LILRA2: variants seen among roughly 807,000 people sequenced by gnomAD.
The protein encoded by LILRA2 is leukocyte immunoglobulin-like receptor subfamily A member 2.
A neutral mutation model predicts 47.9 loss-of-function variants in LILRA2; 45 were observed. The observed-to-expected ratio is 0.94, with a 90% CI of 0.74 to 1.20. The LOEUF is 1.20. LILRA2 is among the 50% of genes most tolerant of loss of function. The pLI, the probability that LILRA2 is intolerant of heterozygous loss-of-function variation, is 0.00. For missense variants in LILRA2, 651 were observed against 598.2 expected (o/e 1.09, Z -0.92); for synonymous variants, 279 against 249.2 (o/e 1.12, Z -1.13).
In LILRA2 at chr19:54,575,852, C is replaced by T. The variant is rs769487000; in HGVS notation, c.998C>T (p.Thr333Ile). The T allele has an allele frequency of 1.2e-6, 2 of 1,612,316 alleles. No individual in the cohort carries two copies. The highest frequency in any genetic ancestry group is 2.2e-5 in the South Asian group (2 of 90,752). Reference protein sequence around the residue: ...RPSLSVQPVPTVAPGKNVTLL... With the variant: ...RPSLSVQPVPIVAPGKNVTLL... ...TCTCTCTCGGTGCAGCCGGTCCCCA[C>T]AGTAGCCCCAGGAAAGAACGTGACC... Residue 333 changes from threonine (T) to isoleucine (I), a missense_variant, in exon 6 of 8, where the codon ACA becomes ATA. Physicochemically the swap from Thr to Ile is moderately conservative, Grantham distance 89 (BLOSUM62 -1). Coordinates refer to ENST00000391738, the MANE Select transcript of LILRA2 (RefSeq NM_001130917.3).
At chr19:54,583,943 A>G (rs2062719896) in intron 6 of LILRA2, among the ~76,000 whole-genome samples, 1 of 152,152 alleles carries the variant, frequency 6.6e-6, no homozygotes, top group Non-Finnish European at 1.5e-5. Flanking sequence ...TGCTTCCTTC[A>G]GGAGCTCTTT....
chr19:54,578,883 G>A (rs2062557650), intron 6 of LILRA2, among the ~76,000 whole-genome samples: 1 of 152,016 alleles, frequency 6.6e-6, no homozygotes, highest in Non-Finnish European at 1.5e-5. Context: ...GTGATGATAA[G>A]CATTTTTGCA....
Position 54,587,464 on chromosome 19 carries a change from AT to A in LILRA2, c.*121del, listed in dbSNP as rs1258435681. Reference sequence around the variant, plus strand: ...ACATTATCTGGACTGTATGCTGGTCATTTCTAGAGACAGCAATCAATATTTG... The same window carrying A: ...ACATTATCTGGACTGTATGCTGGTCATTCTAGAGACAGCAATCAATATTTG... On this transcript the variant is annotated 3_prime_UTR_variant, in exon 8 of 8. Transcript: ENST00000391738. 1 of 1,433,502 alleles carries A rather than the reference AT, an allele frequency of 7.0e-7. No homozygotes were observed. The allele number at this position is 1,433,502 out of a possible 1,614,324, so 88.8% of individuals were successfully genotyped here.
intron 6 of LILRA2, among the ~76,000 whole-genome samples, chr19:54,584,381 C>A (rs1291818143): frequency 6.6e-6 from 1 of 152,170 alleles, no homozygotes; most frequent in African/African-American, 2.4e-5. Context: ...TAACTTGGTT[C>A]CATTCTCCTC....
intron 4 of LILRA2, 89 bp from the exon 5 acceptor site, chr19:54,575,167 G>C: frequency 1.7e-6 from 2 of 1,180,318 alleles, no homozygotes; most frequent in Admixed American, 4.9e-5. Flanking sequence ...TCCTGGGGCC[G>C]GAGACACAGG....
Position 54,575,983 on chromosome 19 carries a change from C to A in LILRA2, c.1129C>A (p.Gln377Lys), listed in dbSNP as rs778497355. 6.2e-6 allele frequency: 10 copies of A among 1,613,928 alleles called. No individual in the cohort carries two copies. In the African/African-American group the frequency reaches 1.1e-4, roughly 17 times the overall value. ...ATCAGAGCACCAAGCTCAGCAGAAC[C>A]AGGCTGAATTCCGCATGGGTCCTGT... ...LRSEHQAQQN[Q>K]AEFRMGPVTS... is the part of the protein sequence containing the mutation. Residue 377 changes from glutamine to lysine, a missense_variant, in exon 6 of 8, where the codon CAG becomes AAG. Physicochemically the swap from Gln to Lys is moderately conservative, Grantham distance 53. Coordinates refer to ENST00000391738, the MANE Select transcript of LILRA2 (RefSeq NM_001130917.3).
chr19:54,577,559 C>T, intron 6 of LILRA2: 2 of 1,289,720 alleles, frequency 1.6e-6, no homozygotes, highest in South Asian at 1.2e-5. Context: ...TGGGATCTGA[C>T]TGTGATGAGG....
At chr19:54,586,701 C>T (rs2062820180) in intron 6 of LILRA2, among the ~76,000 whole-genome samples, 1 of 152,116 alleles carries the variant, frequency 6.6e-6, no homozygotes, top group African/African-American at 2.4e-5. Flanking sequence ...ACACAAGGTC[C>T]CAGGCTGCAC....
Position 54,589,909 on chromosome 19 carries a change from T to A in LILRA2, c.*2563T>A, listed in dbSNP as rs2062898159. On this transcript the variant is annotated 3_prime_UTR_variant, in exon 8 of 8. Coordinates refer to ENST00000391738, the MANE Select transcript of LILRA2 (RefSeq NM_001130917.3). ...GATCATTTTTTCTACCACTTTTCAG[T>A]CCTGGGAAACTCAGTCCCAATGTGC... 1 of 152,126 alleles carries A rather than the reference T, an allele frequency of 6.6e-6. No individual in the cohort carries two copies. The highest frequency in any genetic ancestry group is 2.1e-4 in the South Asian group (1 of 4,740). The allele number at this position is 152,126 out of a possible 1,614,324, so 9.4% of individuals were successfully genotyped here.
At chr19:54,579,313 A>G (rs1229973104) in intron 6 of LILRA2, among the ~76,000 whole-genome samples, 2 of 152,208 alleles carry the variant, frequency 1.3e-5, no homozygotes, top group Non-Finnish European at 2.9e-5. Flanking sequence ...ATCCAGTTTC[A>G]GCTTTCTACA....
intron 6 of LILRA2, among the ~76,000 whole-genome samples, chr19:54,576,485 C>A (rs2062445587): frequency 6.6e-6 from 1 of 152,330 alleles, no homozygotes; most frequent in Non-Finnish European, 1.5e-5. Flanking sequence ...AAACCAGCCA[C>A]TCCCAGCTCA....
rs755984857 is a variant in LILRA2, at chr19:54,574,834, C to T, written c.456C>T (p.Phe152=). The change falls in exon 4 of 8, where the codon TTC becomes TTT. Residue 152 remains phenylalanine, a synonymous_variant. Transcript: ENST00000391738. ...TCTCACAGGTGGCATTTGACGGCTT[C>T]ATTCTGTGTAAGGAAGGAGAAGATG... The part of the protein sequence containing the change: ...QCVSQVAFDG[F]ILCKEGEDEH... The T allele has an allele frequency of 7.4e-6, 12 of 1,614,068 alleles. No homozygotes were observed. Among genetic ancestry groups the T allele is most frequent in the Non-Finnish European group, 1.0e-5 (12 of 1,180,042 alleles).
At chr19:54,576,873 C>T (rs112964899) in intron 6 of LILRA2, among the ~76,000 whole-genome samples, 2 of 152,312 alleles carry the variant, frequency 1.3e-5, no homozygotes, top group East Asian at 1.9e-4. Context: ...TCTGAAAGAG[C>T]CCATTCCCCT....
Position 54,586,815 on chromosome 19 carries a change from T to C in LILRA2, c.1256-195T>C, listed in dbSNP as rs192278294. 4.6e-3 allele frequency among the ~76,000 whole-genome samples: 704 copies of C among 152,226 alleles called. 1 individual carries two copies. In the South Asian group the frequency reaches 0.1, roughly 22 times the overall value. On this transcript the variant is annotated intron_variant, in intron 6 of 7. Transcript: ENST00000391738. Reference sequence around the variant, plus strand: ...AAACTCTCCCAAATGACTCAGGAGCTGAGTTTGGATTTGTAGAACACAGGA... The same window carrying C: ...AAACTCTCCCAAATGACTCAGGAGCCGAGTTTGGATTTGTAGAACACAGGA...
rs1389585060 is a variant in LILRA2 at position 54,588,020 on chromosome 19, T to A, written c.*674T>A. On this transcript the variant is annotated 3_prime_UTR_variant, in exon 8 of 8. Transcript: ENST00000391738. ...GTGGTATCTACCAATTTCTGTGACA[T>A]AAATATTTTTCTCATGGCCCAAATC... 1 of 152,454 alleles carries A rather than the reference T, an allele frequency of 6.6e-6. No homozygotes were observed. The highest frequency in any genetic ancestry group is 6.5e-5 in the Admixed American group (1 of 15,310). 9.4% of individuals were successfully genotyped at this position (152,454 alleles called of 1,614,324 possible).
intron 6 of LILRA2, 81 bp downstream of exon 6, chr19:54,576,190 G>C (rs555303345): frequency 6.3e-7 from 1 of 1,593,012 alleles, no homozygotes; most frequent in East Asian, 2.2e-5. Flanking sequence ...GGACAATAAT[G>C]AATGAGGGGA....
At chr19:54,573,772 T>C (rs1047521915), upstream of LILRA2, 21 of 1,598,784 alleles carry the variant, frequency 1.3e-5, no homozygotes, top group Admixed American at 1.8e-5. Context: ...CAAAACCCCA[T>C]GACAAGAAGG....
rs2062897604 is a variant in LILRA2, at chr19:54,589,880, C to T, written c.*2534C>T. The T allele has an allele frequency of 6.6e-6, 1 of 152,038 alleles. No individual in the cohort carries two copies. Among genetic ancestry groups the T allele is most frequent in the African/African-American group, 2.4e-5 (1 of 41,438 alleles). The allele number at this position is 152,038 out of a possible 1,614,324, so 9.4% of individuals were successfully genotyped here. On this transcript the variant is annotated 3_prime_UTR_variant, in exon 8 of 8. Transcript: ENST00000391738. ...CCATTCATCCAACCTGAACCTGAGC[C>T]CCCGATCATTTTTTCTACCACTTTT...
At chr19:54,584,605 C>T (rs984734509) in intron 6 of LILRA2, among the ~76,000 whole-genome samples, 6 of 152,130 alleles carry the variant, frequency 3.9e-5, no homozygotes, top group Non-Finnish European at 5.9e-5. Context: ...GTTCTTGTGC[C>T]GTGGTTTTCA....
Sources: allele counts gnomAD v4.1 joint callset (sites outside exome capture counted in the v4.1 genomes callset), GRCh38; gene constraint gnomAD v4.1.1; transcripts MANE v1.5; gene names NCBI Gene and HGNC (gene_info 2026-07-23, HGNC 2026-07-21).